The following MECOM variants were observed in gnomAD, a reference collection of about 807,000 sequenced individuals.
MECOM encodes MDS1 and EVI1 complex locus, also known as histone-lysine N-methyltransferase MECOM.
MECOM carries 13 observed loss-of-function variants against 116.3 expected under a neutral mutation model. That is an observed-to-expected ratio of 0.11 (90% CI 0.07 to 0.18). MECOM has a LOEUF of 0.18. Ranked by LOEUF, MECOM falls within the 10% of genes least tolerant of loss-of-function variation. The pLI, the probability that MECOM is intolerant of heterozygous loss-of-function variation, is 1.00. For synonymous variants in MECOM, 528 were observed against 535.2 expected, an observed-to-expected ratio of 0.99 and a Z score of 0.19; for missense variants, 1,299 against 1,509.0, an observed-to-expected ratio of 0.86 and a Z score of 2.31.
Position 169,642,403 on chromosome 3 carries a change from C to T in MECOM, c.37+20933G>A, listed in dbSNP as rs1397679411. Among the ~76,000 whole-genome samples the T allele has an allele frequency of 1.0e-4, 15 of 150,068 alleles. No individual in the cohort carries two copies. In the East Asian group the frequency reaches 1.8e-3, roughly 18 times the overall value. On this transcript the variant is annotated intron_variant, in intron 1 of 16. Transcript: ENST00000651503. ...AACTACAAATTGTGAGCCGAGATCG[C>T]GCCACTGCCCTCCAGCCCGGGCAAC...
chr3:169,630,236 GAC>G (rs1002156050), intron 1 of MECOM, among the ~76,000 whole-genome samples: 2 of 152,142 alleles, frequency 1.3e-5, no homozygotes, highest in Non-Finnish European at 2.9e-5. Flanking sequence ...CTCTGCTAAA[GAC>G]ACAAAACTTT....
chr3:169,604,250 CCTCT>C (rs746628995), intron 1 of MECOM, among the ~76,000 whole-genome samples: 7 of 151,196 alleles, frequency 4.6e-5, no homozygotes, highest in South Asian at 2.1e-4. Flanking sequence ...TCCCTCCCTC[CCTCT>C]CTCTCTTTCT....
At chr3:169,135,776 T>C (rs927385390) in intron 3 of MECOM, among the ~76,000 whole-genome samples, 1 of 151,960 alleles carries the variant, frequency 6.6e-6, no homozygotes, top group African/African-American at 2.4e-5. Flanking sequence ...AGTATGAATA[T>C]TATATTTGGA....
intron 12 of MECOM, among the ~76,000 whole-genome samples, chr3:169,097,817 T>TCAAAAAAAAAAAAAC (rs1722127820): frequency 1.1e-5 from 1 of 87,194 alleles, no homozygotes; most frequent in Non-Finnish European, 2.2e-5. Flanking sequence ...ACTGTCTATA[T>TCAAAAAAAAAAAAAC]AAAAAAAAAA....
intron 2 of MECOM, among the ~76,000 whole-genome samples, chr3:169,225,157 G>A (rs1752591294): frequency 6.6e-6 from 1 of 152,182 alleles, no homozygotes; most frequent in Admixed American, 6.5e-5. Flanking sequence ...GTATCATTAT[G>A]TGAATTTTAG....
chr3:169,485,177 T>C (rs1171656797), intron 1 of MECOM, among the ~76,000 whole-genome samples: 14 of 151,930 alleles, frequency 9.2e-5, no homozygotes, highest in Non-Finnish European at 2.1e-4. Context: ...GTATTTAGAG[T>C]AGAGACGGGG....
intron 1 of MECOM, among the ~76,000 whole-genome samples, chr3:169,505,778 T>C (rs1755139069): frequency 6.6e-6 from 1 of 152,212 alleles, no homozygotes; most frequent in Admixed American, 6.5e-5. Context: ...CATGGCACTG[T>C]TTGGAGGCCA....
At chr3:169,373,129 G>A (rs574153680) in intron 2 of MECOM, among the ~76,000 whole-genome samples, 1 of 152,094 alleles carries the variant, frequency 6.6e-6, no homozygotes, top group East Asian at 1.9e-4. Context: ...CTTTAGACAA[G>A]CACATTCCAA....
intron 2 of MECOM, among the ~76,000 whole-genome samples, chr3:169,255,064 A>T (rs1756699886): frequency 6.6e-6 from 1 of 152,188 alleles, no homozygotes; most frequent in African/African-American, 2.4e-5. Context: ...TGACATTCCC[A>T]ATAATCCAAT....
intron 1 of MECOM, among the ~76,000 whole-genome samples, chr3:169,622,796 A>G (rs145038753): frequency 2.0e-5 from 3 of 152,358 alleles, no homozygotes; most frequent in Non-Finnish European, 4.4e-5. Flanking sequence ...CTCAGATAGT[A>G]TAATATAGTG....
chr3:169,612,155 A>C (rs1404652918), intron 1 of MECOM, among the ~76,000 whole-genome samples: 1 of 152,196 alleles, frequency 6.6e-6, no homozygotes, highest in East Asian at 1.9e-4. Flanking sequence ...TGATTTTTTA[A>C]AACAATGTGC....
intron 2 of MECOM, among the ~76,000 whole-genome samples, chr3:169,209,290 C>G (rs1695365168): frequency 6.6e-6 from 1 of 152,092 alleles, no homozygotes; most frequent in African/African-American, 2.4e-5. Context: ...AGGACATAGG[C>G]ATGGGCAAAG....
At chr3:169,574,598 T>A (rs1466830800) in intron 1 of MECOM, among the ~76,000 whole-genome samples, 1 of 152,232 alleles carries the variant, frequency 6.6e-6, no homozygotes, top group Non-Finnish European at 1.5e-5. Context: ...GTGACGGTAC[T>A]TTAGAGCAAA....
intron 2 of MECOM, among the ~76,000 whole-genome samples, chr3:169,342,998 C>T (rs940153118): frequency 6.6e-6 from 1 of 152,080 alleles, no homozygotes; most frequent in African/African-American, 2.4e-5. Context: ...AGAAGAGGTT[C>T]CCCTCCGTTC....
intron 1 of MECOM, among the ~76,000 whole-genome samples, chr3:169,424,827 A>T (rs1740363069): frequency 6.6e-6 from 1 of 152,146 alleles, no homozygotes; most frequent in Admixed American, 6.6e-5. Flanking sequence ...AGTTCTAACT[A>T]TCTGATTCAT....
intron 2 of MECOM, among the ~76,000 whole-genome samples, chr3:169,219,953 T>G (rs1251387883): frequency 6.7e-6 from 1 of 148,868 alleles, no homozygotes; most frequent in Non-Finnish European, 1.5e-5. Flanking sequence ...TGTATAATTC[T>G]AATATATAAT....
intron 1 of MECOM, among the ~76,000 whole-genome samples, chr3:169,513,593 G>A (rs1161321278): frequency 6.6e-6 from 1 of 152,224 alleles, no homozygotes; most frequent in Non-Finnish European, 1.5e-5. Context: ...GGAAATAAAT[G>A]CAGCGGGTAG....
At chr3:169,090,381 C>T (rs1004410802) in intron 14 of MECOM, 145 bp from the exon 15 acceptor site, 1 of 677,486 alleles carries the variant, frequency 1.5e-6, no homozygotes, top group African/African-American at 1.8e-5. Context: ...TCTACGTCAA[C>T]CATGAAAAAA....
chr3:169,243,513 G>A (rs1161766781), intron 2 of MECOM, among the ~76,000 whole-genome samples: 1 of 151,870 alleles, frequency 6.6e-6, no homozygotes, highest in African/African-American at 2.4e-5. Flanking sequence ...TTTCAATTAA[G>A]TGTTTTTATA....
Sources: allele counts gnomAD v4.1 joint callset (sites outside exome capture counted in the v4.1 genomes callset), GRCh38; gene constraint gnomAD v4.1.1; transcripts MANE v1.5; gene names NCBI Gene and HGNC (gene_info 2026-07-23, HGNC 2026-07-21).